Variants in CDK11A observed in about 807,000 individuals in gnomAD.
The protein encoded by CDK11A is cyclin dependent kinase 11A, also known as cyclin-dependent kinase 11A.
Under a neutral mutation model 83.6 loss-of-function variants are expected in CDK11A, and 55 were observed. That is an observed-to-expected ratio of 0.66 (90% CI 0.53 to 0.82). CDK11A has a LOEUF of 0.82. Among genes scored for constraint, CDK11A ranks in the 40% least tolerant of loss-of-function variants. CDK11A has a pLI of 0.00. For missense variants in CDK11A, 564 were observed against 810.1 expected (o/e 0.70, Z 3.69); for synonymous variants, 247 against 302.7 (o/e 0.82, Z 1.91).
chr1:1,707,727 CAG>C (rs1249137148), intron 10 of CDK11A, 143 bp from the exon 11 acceptor site: 2 of 842,696 alleles, frequency 2.4e-6, no homozygotes, highest in Non-Finnish European at 3.6e-6. Context: ...CCCCTGGACA[CAG>C]GGCACCGAGG....
intron 3 of CDK11A, among the ~76,000 whole-genome samples, chr1:1,720,458 A>G (rs574897349): frequency 2.7e-5 from 4 of 150,406 alleles, no homozygotes; most frequent in African/African-American, 9.8e-5. Context: ...CAGCGGCGCA[A>G]TCTTGGCTCA....
intron 3 of CDK11A, 60 bp downstream of exon 3, chr1:1,721,533 GGAA>G: frequency 6.5e-7 from 1 of 1,550,134 alleles, no homozygotes; most frequent in Non-Finnish European, 8.8e-7. Flanking sequence ...AGTGACCCTA[GGAA>G]GGACTGGCCA....
intron 2 of CDK11A, among the ~76,000 whole-genome samples, chr1:1,722,172 T>C (rs1474928252): frequency 6.6e-6 from 1 of 151,156 alleles, no homozygotes; most frequent in East Asian, 1.9e-4. Context: ...GCAGAGTTGC[T>C]ACAAACCTTT....
intron 2 of CDK11A, chr1:1,722,442 T>C (rs1241927182): frequency 1.3e-5 from 10 of 745,006 alleles, no homozygotes; most frequent in Non-Finnish European, 1.7e-5. Flanking sequence ...ATACTAATAA[T>C]GAACCGAGAA....
intron 1 of CDK11A, chr1:1,723,660 CAT>C (rs1403458737): frequency 1.9e-5 from 2 of 107,050 alleles, no homozygotes; most frequent in Non-Finnish European, 3.9e-5. Context: ...TGCGCTGCAG[CAT>C]GGGCGACAAA....
chr1:1,704,130 A>C lies in CDK11A; in HGVS notation c.1703T>G (p.Leu568Arg), dbSNP rs1644205435. The stretch of plus-strand genomic sequence containing the variant: ...CAGAGGGGATCCGTACTCCCGCGCC[A>C]GCCCAAAATCACCCACCTGCAACGA... ...AGILKVGDFG[L>R]AREYGSPLKA... is the part of the protein sequence containing the mutation. The change falls in exon 16 of 20, where the codon CTG becomes CGG. Residue 568 changes from leucine (L) to arginine (R), a missense_variant. Leu to Arg is a moderately radical substitution (Grantham distance 102, BLOSUM62 -2). This residue lies in a region of CDK11A where 361 missense variants were observed against 402.7 expected (regional missense o/e 0.90). Transcript: ENST00000404249. 6.2e-6 allele frequency: 10 copies of C among 1,605,344 alleles called. 1 individual carries two copies. Among genetic ancestry groups the C allele is most frequent in the Non-Finnish European group, 6.8e-6 (8 of 1,174,862 alleles).
Position 1,724,352 on chromosome 1 carries a change from T to G in CDK11A, c.-108A>C, listed in dbSNP as rs557799666. The G allele has an allele frequency of 1.3e-5, 2 of 151,654 alleles. No homozygotes were observed. Among genetic ancestry groups the G allele is most frequent in the African/African-American group, 4.8e-5 (2 of 41,384 alleles). 9.4% of individuals were successfully genotyped at this position (151,654 alleles called of 1,614,324 possible). A position where few individuals can be genotyped will look rare whatever the true frequency, so the allele number is the denominator to read the frequency against. On this transcript the variant is annotated 5_prime_UTR_variant, in exon 1 of 20. Coordinates refer to ENST00000404249, the MANE Select transcript of CDK11A (RefSeq NM_024011.4). ...CACTTCCTGTGTTGACGCCTAATGA[T>G]GATATAATAGCCGACCTCTGGCCCA... is the stretch of plus-strand genomic sequence containing the variant.
Position 1,703,839 on chromosome 1 carries a change from G to C in CDK11A, c.1896C>G (p.Ile632Met), listed in dbSNP as rs766812189. 4 of 1,609,750 alleles carry C rather than the reference G, an allele frequency of 2.5e-6. No homozygotes were observed. The highest frequency in any genetic ancestry group is 3.4e-6 in the Non-Finnish European group (4 of 1,176,984). Residue 632 changes from isoleucine to methionine, a missense_variant, in exon 17 of 20, where the codon ATC becomes ATG. Ile to Met is a conservative substitution (Grantham distance 10). Around this residue, in one of 5 missense-constraint regions of CDK11A, gnomAD observed 361 missense variants for 402.7 expected, o/e 0.90. Coordinates refer to ENST00000404249, the MANE Select transcript of CDK11A (RefSeq NM_024011.4). Reference protein sequence around the residue: ...LFPGNSEIDQINKVFKELGTP... With the variant: ...LFPGNSEIDQMNKVFKELGTP... ...CCAGACCCACCTTGAACACTTTGTT[G>C]ATCTGATCGATTTCCGAATTCCCGG...
intron 11 of CDK11A, 101 bp from the exon 12 acceptor site, chr1:1,705,833 G>C: frequency 2.1e-6 from 1 of 467,922 alleles, no homozygotes; most frequent in South Asian, 2.4e-5. Context: ...GGCAGGTGCA[G>C]GGCAGAGCCT....
At chr1:1,718,429 T>C (rs1471370711) in intron 4 of CDK11A, among the ~76,000 whole-genome samples, 6 of 150,540 alleles carry the variant, frequency 4.0e-5, no homozygotes, top group East Asian at 2.0e-4. Context: ...TTGCTCTCCA[T>C]AGCCCTTCTG....
Position 1,715,098 on chromosome 1 carries a change from C to T in CDK11A, c.488+1248G>A, listed in dbSNP as rs1435913557. Among the ~76,000 whole-genome samples the T allele has an allele frequency of 6.4e-5, 9 of 139,670 alleles. 1 individual carries two copies. Among genetic ancestry groups the T allele is most frequent in the Admixed American group, 1.5e-4 (2 of 13,362 alleles). 91.6% of individuals were successfully genotyped at this position (139,670 alleles called of 152,430 possible). On this transcript the variant is annotated intron_variant, in intron 5 of 19. Coordinates refer to ENST00000404249, the MANE Select transcript of CDK11A (RefSeq NM_024011.4). ...TGCAGAGTGGAAGCAGTAAAGGGAGCAGCTCTCAGGCCAGAAGGTCAGATT... is the reference window on the plus strand; with the variant it reads ...TGCAGAGTGGAAGCAGTAAAGGGAGTAGCTCTCAGGCCAGAAGGTCAGATT...
intron 5 of CDK11A, among the ~76,000 whole-genome samples, chr1:1,715,001 C>T (rs1211431896): frequency 6.7e-6 from 1 of 149,440 alleles, no homozygotes; most frequent in Non-Finnish European, 1.5e-5. Context: ...ACGGAGTAAC[C>T]CCTTCCAAGG....
intron 4 of CDK11A, 152 bp downstream of exon 4, chr1:1,719,176 A>C (rs1644800663): frequency 1.7e-6 from 1 of 583,996 alleles, no homozygotes; most frequent in Non-Finnish European, 2.7e-6. Flanking sequence ...TTCTCTCTAT[A>C]GCCCTTCTGA....
intron 4 of CDK11A, among the ~76,000 whole-genome samples, chr1:1,717,651 C>T (rs1180778530): frequency 2.2e-4 from 10 of 45,736 alleles, no homozygotes; most frequent in Admixed American, 9.2e-4. Flanking sequence ...CTGTGACACA[C>T]GCATGCTTTC....
At chr1:1,715,390 T>A (rs1644598334) in intron 5 of CDK11A, among the ~76,000 whole-genome samples, 2 of 145,052 alleles carry the variant, frequency 1.4e-5, no homozygotes, top group South Asian at 4.4e-4. Context: ...GAAATCAATA[T>A]GACAGCCCAA....
chr1:1,718,638 CT>C (rs70937182), intron 4 of CDK11A, among the ~76,000 whole-genome samples: 22 of 134,710 alleles, frequency 1.6e-4, no homozygotes, highest in East Asian at 4.5e-4. Flanking sequence ...CTAGAGTATT[CT>C]TTTTTTTTTT....
rs773764705 is a variant in CDK11A, at chr1:1,704,299, T to A, written c.1610A>T (p.His537Leu). 1.2e-6 allele frequency: 2 copies of A among 1,607,304 alleles called. No individual in the cohort carries two copies. Among genetic ancestry groups the A allele is most frequent in the Non-Finnish European group, 1.7e-6 (2 of 1,176,032 alleles). ...LMIQLLRGVK[H>L]LHDNWILHRD... ...GTGCAGGATCCAGTTGTCGTGCAGG[T>A]GTTTCACCCCCCGCAGCAGCTGGAT... is the stretch of plus-strand genomic sequence containing the variant. Residue 537 changes from histidine to leucine, a missense_variant, in exon 15 of 20, where the codon CAC (histidine) becomes CTC (leucine). By Grantham distance (99) the His-to-Leu change is moderately conservative (BLOSUM62 -3). Transcript: ENST00000404249.
intron 5 of CDK11A, among the ~76,000 whole-genome samples, chr1:1,715,357 A>C: frequency 1.5e-5 from 2 of 132,000 alleles, no homozygotes; most frequent in African/African-American, 5.3e-5. Flanking sequence ...TTGTTCATTC[A>C]CTCTCCTGTC....
Position 1,705,138 on chromosome 1 carries a change from G to C in CDK11A, c.1337-113C>G, listed in dbSNP as rs997781991. 43 of 1,411,816 alleles carry C rather than the reference G, an allele frequency of 3.0e-5. 2 individuals carry two copies. The Admixed American group carries it at 6.1e-4, about 20-fold the overall frequency. 87.5% of individuals were successfully genotyped at this position (1,411,816 alleles called of 1,614,324 possible). ...GCCCAAAGCGCCAGCATTTCACGGA[G>C]GGGGGTCTCGTTCTAGGTGGGGGCA... On this transcript the variant is annotated intron_variant, in intron 12 of 19. Transcript: ENST00000404249.
Sources: allele counts gnomAD v4.1 joint callset (sites outside exome capture counted in the v4.1 genomes callset), GRCh38; gene constraint gnomAD v4.1.1; regional missense constraint gnomAD v4.1.1; transcripts MANE v1.5; gene names NCBI Gene and HGNC (gene_info 2026-07-23, HGNC 2026-07-21).